Variants in DDHD2 observed in about 807,000 individuals in gnomAD.
The protein encoded by DDHD2 is DDHD domain containing 2.
Under a neutral mutation model 91.2 loss-of-function variants are expected in DDHD2, and 62 were observed. The observed-to-expected ratio is 0.68, with a 90% CI of 0.55 to 0.84. The LOEUF is 0.84. DDHD2 is among the 40% of genes least tolerant of loss of function. The pLI is 0.00. For missense variants in DDHD2, 740 were observed against 846.9 expected, an observed-to-expected ratio of 0.87 and a Z score of 1.57; for synonymous variants, 271 against 293.9, an observed-to-expected ratio of 0.92 and a Z score of 0.80.
chr8:38,234,787 A>C (rs1275125343), intron 3 of DDHD2, among the ~76,000 whole-genome samples: 1 of 128,106 alleles, frequency 7.8e-6, no homozygotes, highest in African/African-American at 2.9e-5. Context: ...TTTTTTTTTG[A>C]GACGGAGTCT....
At chr8:38,272,797 A>T (rs1409415817), downstream of DDHD2, 1 of 152,240 alleles carries the variant, frequency 6.6e-6, no homozygotes, top group Non-Finnish European at 1.5e-5. Context: ...ACTATGAGTG[A>T]GCAATGTCTT....
At chr8:38,252,641 CAAAAAA>C in intron 13 of DDHD2, 75 bp from the exon 14 acceptor site, 7 of 724,024 alleles carry the variant, frequency 9.7e-6, no homozygotes, top group South Asian at 5.9e-5. Context: ...GACCTCATCT[CAAAAAA>C]AAAAAAAAAA....
In DDHD2 at chr8:38,255,288, C is replaced by T. The variant is rs16887289; in HGVS notation, c.2054+1570C>T. The T allele has an allele frequency of 4.2e-3, 1,902 of 455,646 alleles. 39 individuals carry two copies. The highest frequency in any genetic ancestry group is 0.036 in the African/African-American group (1,712 of 47,808). The allele number at this position is 455,646 out of a possible 1,614,324, so 28.2% of individuals were successfully genotyped here. On this transcript the variant is annotated intron_variant, in intron 16 of 17. Coordinates refer to ENST00000397166, the MANE Select transcript of DDHD2 (RefSeq NM_015214.3). ...AATTATCATCTGATGCAATCACTAT[C>T]GTTTGTATATAATATATACAGTAGA...
intron 16 of DDHD2, among the ~76,000 whole-genome samples, chr8:38,259,126 T>A (rs1480887467): frequency 6.6e-6 from 1 of 152,180 alleles, no homozygotes; most frequent in East Asian, 1.9e-4. Context: ...CATAATATTT[T>A]AAAAATTAAG....
chr8:38,241,593 G>A (rs1805263201), intron 6 of DDHD2, among the ~76,000 whole-genome samples: 1 of 151,104 alleles, frequency 6.6e-6, no homozygotes, highest in Admixed American at 6.6e-5. Context: ...GCTAATTTTT[G>A]TATTTTTAGT....
intron 1 of DDHD2, chr8:38,270,221 T>C (rs1808401098): frequency 6.6e-6 from 1 of 152,180 alleles, no homozygotes; most frequent in African/African-American, 2.4e-5. Flanking sequence ...TATTAAAGAC[T>C]CAAGTCTCAA....
intron 1 of DDHD2, chr8:38,267,961 C>G (rs1247481347): frequency 3.7e-6 from 6 of 1,613,856 alleles, no homozygotes; most frequent in Non-Finnish European, 8.5e-7. Context: ...AGGCTGGCAG[C>G]TGCAAAGCAA....
intron 16 of DDHD2, among the ~76,000 whole-genome samples, chr8:38,254,083 A>AAAAG (rs1327461007): frequency 6.6e-6 from 1 of 151,984 alleles, no homozygotes; most frequent in East Asian, 1.9e-4. Context: ...CTCAAAAAAA[A>AAAAG]AAAAAGACCT....
chr8:38,267,231 A>T (rs763042616), downstream of DDHD2: 1 of 1,613,712 alleles, frequency 6.2e-7, no homozygotes, highest in Non-Finnish European at 8.5e-7. Flanking sequence ...ATGATGTGAA[A>T]ACAAGCATAG....
chr8:38,242,435 G>A, intron 7 of DDHD2, 50 bp downstream of exon 7: 2 of 1,577,412 alleles, frequency 1.3e-6, no homozygotes, highest in East Asian at 2.3e-5. Context: ...TATATTTTCT[G>A]ATCATTGCTA....
At position 38,237,620 on chromosome 8, in the gene DDHD2, A is replaced by G. The variant is rs1302177305; in HGVS notation, c.494A>G (p.Asn165Ser). The change falls in exon 4 of 18, where the codon AAT becomes AGT. Residue 165 changes from asparagine (N) to serine (S), a missense_variant. This residue lies in a region of DDHD2 where 693 missense variants were observed against 764.2 expected (regional missense o/e 0.91). Coordinates refer to ENST00000397166, the MANE Select transcript of DDHD2 (RefSeq NM_015214.3). ...AACAGAGAAATTATTATTTTACACAATCCAAAGGTAAAACAAAGCATTTCT... is the reference window on the plus strand; with the variant it reads ...AACAGAGAAATTATTATTTTACACAGTCCAAAGGTAAAACAAAGCATTTCT... ...SPNREIIILH[N>S]PKLMVHYQPV... is the part of the protein sequence containing the mutation. The G allele has an allele frequency of 4.5e-6, 7 of 1,544,966 alleles. No individual in the cohort carries two copies. The highest frequency in any genetic ancestry group is 6.2e-6 in the Non-Finnish European group (7 of 1,132,750).
downstream of DDHD2, chr8:38,267,802 G>T: frequency 8.0e-7 from 1 of 1,245,174 alleles, no homozygotes; most frequent in Non-Finnish European, 1.2e-6. Context: ...AAGGAGAAAA[G>T]AATGAGAAAG....
At chr8:38,234,681 C>T (rs1034826597) in intron 3 of DDHD2, 97 bp downstream of exon 3, 9 of 1,084,604 alleles carry the variant, frequency 8.3e-6, no homozygotes, top group Non-Finnish European at 1.0e-5. Context: ...TCCAGAAAGA[C>T]TTTGGTTCTG....
downstream of DDHD2, chr8:38,266,314 G>C: frequency 6.2e-7 from 1 of 1,609,348 alleles, no homozygotes. Context: ...AAATGCAACT[G>C]GAACAAGAAA....
downstream of DDHD2, chr8:38,267,394 G>A (rs754696392): frequency 6.2e-7 from 1 of 1,612,236 alleles, no homozygotes; most frequent in South Asian, 1.1e-5. Flanking sequence ...GGCGTGGCCT[G>A]GAAGAAAGCA....
Position 38,238,131 on chromosome 8 carries a change from G to A in DDHD2, c.544G>A (p.Gly182Ser). The A allele has an allele frequency of 6.2e-7, 1 of 1,613,580 alleles. No homozygotes were observed. Among genetic ancestry groups the A allele is most frequent in the Non-Finnish European group, 8.5e-7 (1 of 1,179,838 alleles). The change falls in exon 5 of 18, where the codon GGT becomes AGT. Residue 182 changes from glycine (G) to serine (S), a missense_variant. This residue lies in a region of DDHD2 where 693 missense variants were observed against 764.2 expected (regional missense o/e 0.91). Transcript: ENST00000397166. The part of the protein sequence containing the change: ...YQPVAGSDDW[G>S]STPTEQGRPR... ...GCCAGTTGCAGGGTCTGATGATTGG[G>A]GTTCAACACCCACGGAGCAGGGTCG...
intron 9 of DDHD2, 65 bp downstream of exon 9, chr8:38,246,365 C>T: frequency 2.3e-6 from 3 of 1,325,088 alleles, no homozygotes; most frequent in South Asian, 2.6e-5. Context: ...AGATTTTAGA[C>T]TTATTTTTTG....
At chr8:38,271,808 C>T (rs1808490922), downstream of DDHD2, 1 of 152,218 alleles carries the variant, frequency 6.6e-6, no homozygotes. Context: ...GCTGTGAGGG[C>T]TCCATAGCCA....
At chr8:38,270,825 T>C (rs1259707228) in intron 1 of DDHD2, 1 of 152,266 alleles carries the variant, frequency 6.6e-6, no homozygotes, top group Non-Finnish European at 1.5e-5. Flanking sequence ...TACAGCCTAC[T>C]GAAGGACAGG....
Sources: allele counts gnomAD v4.1 joint callset (sites outside exome capture counted in the v4.1 genomes callset), GRCh38; gene constraint gnomAD v4.1.1; regional missense constraint gnomAD v4.1.1; transcripts MANE v1.5; gene names NCBI Gene and HGNC (gene_info 2026-07-23, HGNC 2026-07-21).